RARB: variants seen among roughly 807,000 people sequenced by gnomAD.
RARB encodes retinoic acid receptor beta, also known as HBV-activated protein.
In RARB, 17 loss-of-function variants were observed where a neutral mutation model predicts 51.9. The ratio of observed to expected loss-of-function variants is 0.33; its 90% CI spans 0.22 to 0.49. RARB has a LOEUF of 0.49. Among genes scored for constraint, RARB ranks in the 20% least tolerant of loss-of-function variants. The pLI, the probability that RARB is intolerant of heterozygous loss-of-function variation, is 0.99. For synonymous variants in RARB, 215 were observed against 195.4 expected, an observed-to-expected ratio of 1.10 and a Z score of -0.84; for missense variants, 369 against 550.8, an observed-to-expected ratio of 0.67 and a Z score of 3.30.
intron 5 of RARB, among the ~76,000 whole-genome samples, chr3:25,295,753 G>A (rs1703900603): frequency 6.6e-6 from 1 of 152,076 alleles, no homozygotes; most frequent in Non-Finnish European, 1.5e-5. Flanking sequence ...TTTCTCCTTT[G>A]GTTTTGACTA....
chr3:25,002,294 G>A (rs529454924), intron 2 of RARB, among the ~76,000 whole-genome samples: 305 of 152,262 alleles, frequency 2.0e-3, no homozygotes, highest in Middle Eastern at 6.8e-3. Context: ...AGACAAGATC[G>A]TTTACATCTC....
intron 5 of RARB, among the ~76,000 whole-genome samples, chr3:25,340,482 C>T (rs564475965): frequency 3.3e-5 from 5 of 152,232 alleles, no homozygotes; most frequent in African/African-American, 7.2e-5. Context: ...AATAGGAATG[C>T]GTATTCTTAT....
At chr3:25,218,552 C>G (rs1701882492) in intron 5 of RARB, among the ~76,000 whole-genome samples, 1 of 152,126 alleles carries the variant, frequency 6.6e-6, no homozygotes, top group Admixed American at 6.5e-5. Context: ...CAACCTCAAC[C>G]AGTGGTTTCT....
At chr3:24,919,616 C>A (rs1351224547) in intron 2 of RARB, among the ~76,000 whole-genome samples, 1 of 152,158 alleles carries the variant, frequency 6.6e-6, no homozygotes. Flanking sequence ...GGAGGCTGCC[C>A]AATTAGTGAA....
In RARB at chr3:25,316,034, G is replaced by A. The variant is rs144074062; in HGVS notation, c.178+141459G>A. Among the ~76,000 whole-genome samples, 123 of 152,162 alleles carry A rather than the reference G, an allele frequency of 8.1e-4. 1 individual carries two copies. The highest frequency in any genetic ancestry group is 6.8e-3 in the Middle Eastern group (2 of 294). On this transcript the variant is annotated intron_variant, in intron 5 of 11. Coordinates refer to the RARB transcript ENST00000383772. ...CCTAGATCCACTAGACTGGACTCTG[G>A]TTTATATTTGTTTTTTGATCAAAGA...
At chr3:24,919,979 C>A (rs1394579262) in intron 2 of RARB, among the ~76,000 whole-genome samples, 1 of 152,136 alleles carries the variant, frequency 6.6e-6, no homozygotes, top group African/African-American at 2.4e-5. Context: ...TTTGTAATAA[C>A]CTCGCTGGAC....
At chr3:25,333,961 A>G (rs2125446655) in intron 5 of RARB, among the ~76,000 whole-genome samples, 1 of 152,348 alleles carries the variant, frequency 6.6e-6, no homozygotes, top group South Asian at 2.1e-4. Flanking sequence ...AGAAATGCAG[A>G]TCAAAACCAC....
rs143217260 is a variant in RARB, at chr3:25,564,369, G to A, written c.449-5389G>A. Among the ~76,000 whole-genome samples, 84 of 152,280 alleles carry A rather than the reference G, an allele frequency of 5.5e-4. 1 individual carries two copies. The highest frequency in any genetic ancestry group is 1.4e-3 in the African/African-American group (60 of 41,558). ...ATGGAGCACCTTTCATCCAAGAAGC[G>A]CTTTGCAAACATCAGGCCGGGTTCT... is the stretch of plus-strand genomic sequence containing the variant. On this transcript the variant is annotated intron_variant, in intron 3 of 7. Transcript: ENST00000330688.
chr3:25,038,074 A>G (rs1698034272), intron 2 of RARB, among the ~76,000 whole-genome samples: 1 of 152,188 alleles, frequency 6.6e-6, no homozygotes, highest in South Asian at 2.1e-4. Context: ...TCACTTAGCT[A>G]TTAACTGTCA....
chr3:25,115,044 G>A (rs1699663467), intron 3 of RARB, among the ~76,000 whole-genome samples: 1 of 152,022 alleles, frequency 6.6e-6, no homozygotes, highest in Non-Finnish European at 1.5e-5. Flanking sequence ...TTATTTCATA[G>A]AGAAAAATTT....
chr3:25,578,862 G>A (rs1648573462), intron 4 of RARB, among the ~76,000 whole-genome samples: 1 of 152,184 alleles, frequency 6.6e-6, no homozygotes, highest in Non-Finnish European at 1.5e-5. Context: ...CTGAGGTGGG[G>A]AACTAAAGAT....
At chr3:25,331,570 G>T (rs1334378858) in intron 5 of RARB, among the ~76,000 whole-genome samples, 1 of 152,184 alleles carries the variant, frequency 6.6e-6, no homozygotes, top group Admixed American at 6.5e-5. Flanking sequence ...ACAAGAGAAA[G>T]CAGGAAAGAT....
intron 2 of RARB, among the ~76,000 whole-genome samples, chr3:25,488,162 G>A (rs926210382): frequency 2.0e-5 from 3 of 152,220 alleles, no homozygotes; most frequent in Non-Finnish European, 4.4e-5. Flanking sequence ...ATCTTTGGTG[G>A]TTAAATGTAG....
At chr3:25,126,104 G>A (rs1345639253) in intron 3 of RARB, among the ~76,000 whole-genome samples, 1 of 152,146 alleles carries the variant, frequency 6.6e-6, no homozygotes, top group Non-Finnish European at 1.5e-5. Context: ...TGCTGCTCTA[G>A]TGTGTGTGAT....
At chr3:25,576,442 G>T (rs1483066766) in intron 4 of RARB, among the ~76,000 whole-genome samples, 1 of 151,996 alleles carries the variant, frequency 6.6e-6, no homozygotes, top group African/African-American at 2.4e-5. Context: ...CATCCTCTAG[G>T]GCCTTGGACT....
chr3:25,442,767 A>G (rs1708754863), intron 1 of RARB, among the ~76,000 whole-genome samples: 1 of 152,138 alleles, frequency 6.6e-6, no homozygotes, highest in Non-Finnish European at 1.5e-5. Context: ...TTGTTTTGCT[A>G]ACATTTAGTT....
At chr3:24,873,234 T>G (rs1381710059) in intron 2 of RARB, among the ~76,000 whole-genome samples, 1 of 152,254 alleles carries the variant, frequency 6.6e-6, no homozygotes, top group African/African-American at 2.4e-5. Context: ...GAATAGCTTA[T>G]AAAACCATCT....
At chr3:25,002,106 G>C (rs918168310) in intron 2 of RARB, among the ~76,000 whole-genome samples, 1 of 152,070 alleles carries the variant, frequency 6.6e-6, no homozygotes, top group Admixed American at 6.6e-5. Flanking sequence ...GATTTAGGGA[G>C]GTAATTTTGG....
At chr3:25,140,231 T>C (rs529506243) in intron 4 of RARB, among the ~76,000 whole-genome samples, 7 of 152,338 alleles carry the variant, frequency 4.6e-5, no homozygotes, top group Non-Finnish European at 1.0e-4. Flanking sequence ...ATTTCTCTGA[T>C]GGATTTTGGC....
Sources: allele counts gnomAD v4.1 joint callset (sites outside exome capture counted in the v4.1 genomes callset), GRCh38; gene constraint gnomAD v4.1.1; transcripts MANE v1.5; gene names NCBI Gene and HGNC (gene_info 2026-07-23, HGNC 2026-07-21).